IP6K1: variants seen among roughly 807,000 people sequenced by gnomAD.
IP6K1 encodes inositol hexakisphosphate kinase 1.
A neutral mutation model predicts 38.3 loss-of-function variants in IP6K1; 13 were observed. That is an observed-to-expected ratio of 0.34 (90% CI 0.22 to 0.54). The LOEUF is 0.54. Among genes scored for constraint, IP6K1 ranks in the 20% least tolerant of loss-of-function variants. The pLI, the probability that IP6K1 is intolerant of heterozygous loss-of-function variation, is 0.92. For synonymous variants in IP6K1, 212 were observed against 229.9 expected (o/e 0.92, Z 0.70); for missense variants, 397 against 599.8 (o/e 0.66, Z 3.53).
intron 3 of IP6K1, among the ~76,000 whole-genome samples, chr3:49,733,472 C>A (rs556245292): frequency 1.3e-5 from 2 of 152,278 alleles, no homozygotes; most frequent in Admixed American, 1.3e-4. Flanking sequence ...ACATTCACAG[C>A]AGCACTACTC....
At chr3:49,752,555 CTT>C (rs1166212756) in intron 1 of IP6K1, among the ~76,000 whole-genome samples, 1 of 151,420 alleles carries the variant, frequency 6.6e-6, no homozygotes, top group Non-Finnish European at 1.5e-5. Context: ...GAGTTTCGCT[CTT>C]GTTGCTCAGG....
At chr3:49,743,839 C>T (rs554787638) in intron 2 of IP6K1, among the ~76,000 whole-genome samples, 42 of 151,618 alleles carry the variant, frequency 2.8e-4, no homozygotes, top group African/African-American at 7.2e-4. Flanking sequence ...AGGCTGGTCT[C>T]GAACTCCTGA....
Position 49,725,584 on chromosome 3 carries a change from A to G in IP6K1, c.*1538T>C, listed in dbSNP as rs1398487358. On this transcript the variant is annotated 3_prime_UTR_variant, in exon 6 of 6. Transcript: ENST00000321599. ...AGCTGGCAGGCTTACCTTTAAAGCCAAACAGGCACTTGCCTAAAGTGACAA... is the reference window on the plus strand; with the variant it reads ...AGCTGGCAGGCTTACCTTTAAAGCCGAACAGGCACTTGCCTAAAGTGACAA... 1 of 152,738 alleles carries G rather than the reference A, an allele frequency of 6.5e-6. No individual in the cohort carries two copies. The highest frequency in any genetic ancestry group is 1.5e-5 in the Non-Finnish European group (1 of 68,076). 9.5% of individuals were successfully genotyped at this position (152,738 alleles called of 1,614,324 possible). A position where few individuals can be genotyped will look rare whatever the true frequency, so the allele number is the denominator to read the frequency against.
intron 1 of IP6K1, among the ~76,000 whole-genome samples, chr3:49,762,439 A>T (rs2080875489): frequency 6.6e-6 from 1 of 152,140 alleles, no homozygotes; most frequent in Admixed American, 6.5e-5. Flanking sequence ...TACTTGCCCT[A>T]CTTGGGAGGT....
intron 2 of IP6K1, among the ~76,000 whole-genome samples, chr3:49,743,619 GTT>G (rs1553694207): frequency 3.7e-5 from 3 of 81,814 alleles, no homozygotes; most frequent in African/African-American, 3.4e-5. Flanking sequence ...TTTTTTTTTT[GTT>G]TTTTTTTTTT....
At chr3:49,772,294 C>A (rs998265028) in intron 1 of IP6K1, among the ~76,000 whole-genome samples, 1 of 145,366 alleles carries the variant, frequency 6.9e-6, no homozygotes, top group African/African-American at 2.5e-5. Flanking sequence ...ATATAGTCTT[C>A]CTTTTTAACT....
chr3:49,745,795 A>C (rs542614164), intron 2 of IP6K1, among the ~76,000 whole-genome samples: 73 of 150,194 alleles, frequency 4.9e-4, no homozygotes, highest in African/African-American at 1.8e-3. Flanking sequence ...TGGAGATTGC[A>C]GTGAGCCGAG....
intron 1 of IP6K1, among the ~76,000 whole-genome samples, chr3:49,782,389 T>C (rs1045597143): frequency 6.6e-6 from 1 of 152,054 alleles, no homozygotes; most frequent in African/African-American, 2.4e-5. Context: ...CAGGCTGGTA[T>C]GGAACTCCTG....
At chr3:49,730,110 C>G (rs138144238) in intron 4 of IP6K1, among the ~76,000 whole-genome samples, 1 of 152,156 alleles carries the variant, frequency 6.6e-6, no homozygotes, top group Non-Finnish European at 1.5e-5. Context: ...CCAGACTGGT[C>G]TGGAACTCTT....
chr3:49,772,783 G>C (rs905281757), intron 1 of IP6K1, among the ~76,000 whole-genome samples: 2 of 150,474 alleles, frequency 1.3e-5, no homozygotes, highest in African/African-American at 2.4e-5. Context: ...TTTACATAGA[G>C]ACAGGGTCTC....
chr3:49,782,681 C>T (rs762216505), intron 1 of IP6K1, among the ~76,000 whole-genome samples: 40 of 151,912 alleles, frequency 2.6e-4, no homozygotes, highest in Non-Finnish European at 4.4e-4. Context: ...CATGGTGGCG[C>T]ATGTGTGTAG....
chr3:49,729,533 G>A (rs2080545881), intron 4 of IP6K1, among the ~76,000 whole-genome samples: 8 of 148,736 alleles, frequency 5.4e-5, no homozygotes, highest in Admixed American at 4.7e-4. Context: ...TCAGCCTCCC[G>A]GTAGCTGGGA....
chr3:49,774,630 G>T (rs929935188), intron 1 of IP6K1, among the ~76,000 whole-genome samples: 4 of 152,108 alleles, frequency 2.6e-5, no homozygotes, highest in African/African-American at 7.2e-5. Flanking sequence ...CTGTGGAAAT[G>T]ACTTTTAATG....
At chr3:49,740,924 G>A (rs922723234) in intron 2 of IP6K1, among the ~76,000 whole-genome samples, 1 of 150,522 alleles carries the variant, frequency 6.6e-6, no homozygotes, top group Non-Finnish European at 1.5e-5. Context: ...TGCAACCTCA[G>A]CTCACTGCAA....
At chr3:49,734,604 C>T (rs1271022615) in intron 3 of IP6K1, among the ~76,000 whole-genome samples, 1 of 151,868 alleles carries the variant, frequency 6.6e-6, no homozygotes, top group East Asian at 1.9e-4. Context: ...GAGGTAGTGG[C>T]AGAGACCCCA....
chr3:49,756,521 AAAAG>A (rs1359794926), intron 1 of IP6K1, among the ~76,000 whole-genome samples: 2 of 152,158 alleles, frequency 1.3e-5, no homozygotes, highest in Non-Finnish European at 2.9e-5. Flanking sequence ...GAAATGCACA[AAAAG>A]AAAGGAGAAG....
chr3:49,765,604 C>T (rs1211333770), intron 1 of IP6K1, among the ~76,000 whole-genome samples: 2 of 145,754 alleles, frequency 1.4e-5, no homozygotes, highest in Non-Finnish European at 3.0e-5. Context: ...GAGCTGAGAT[C>T]GCCACTGCAC....
intron 1 of IP6K1, chr3:49,775,422 G>A: frequency 2.3e-6 from 1 of 433,782 alleles, no homozygotes; most frequent in Non-Finnish European, 4.4e-6. Context: ...GCTATGTGAT[G>A]AGTGTAACTA....
chr3:49,774,878 C>CT (rs34791912), intron 1 of IP6K1, among the ~76,000 whole-genome samples: 2,588 of 145,252 alleles, frequency 0.018, 31 homozygotes, highest in Non-Finnish European at 0.027. Context: ...GTCATAATTT[C>CT]TTTTTTTTTT....
Sources: gnomAD v4.1 joint callset for allele counts (sites outside exome capture counted in the v4.1 genomes callset) on GRCh38, gnomAD v4.1.1 for gene constraint, MANE v1.5 for transcripts, NCBI Gene and HGNC (gene_info 2026-07-23, HGNC 2026-07-21) for gene names.